Variants in MARCHF8 observed in about 807,000 individuals in gnomAD.
MARCHF8 encodes E3 ubiquitin-protein ligase MARCHF8.
In MARCHF8, 40 loss-of-function variants were observed where a neutral mutation model predicts 51.6. That is an observed-to-expected ratio of 0.77 (90% CI 0.60 to 1.01). The LOEUF is 1.01. Ranked by LOEUF, MARCHF8 falls within the 50% of genes least tolerant of loss-of-function variation. The probability of loss-of-function intolerance (pLI) is 0.00; values close to 1 mark genes in which losing one functional copy is unlikely to be tolerated. For missense variants in MARCHF8, 685 were observed against 708.6 expected (o/e 0.97, Z 0.38); for synonymous variants, 263 against 280.3 (o/e 0.94, Z 0.62).
intron 1 of MARCHF8, among the ~76,000 whole-genome samples, chr10:45,585,243 C>T (rs1039888802): frequency 2.0e-5 from 3 of 152,120 alleles, no homozygotes; most frequent in Non-Finnish European, 4.4e-5. Context: ...CCTGACCATA[C>T]ACAAAGAGAA....
intron 2 of MARCHF8, among the ~76,000 whole-genome samples, chr10:45,494,348 C>T (rs1202725988): frequency 6.6e-6 from 1 of 152,104 alleles, no homozygotes; most frequent in African/African-American, 2.4e-5. Flanking sequence ...GATGCCTAAG[C>T]GAGTTTTTGG....
Position 45,503,515 on chromosome 10 carries a change from C to T in MARCHF8, c.103-14098G>A, listed in dbSNP as rs563635967. 1.6e-3 allele frequency among the ~76,000 whole-genome samples: 239 copies of T among 147,114 alleles called. 2 individuals are homozygous for T. The South Asian group carries it at 0.018, about 11-fold the overall frequency. On this transcript the variant is annotated intron_variant, in intron 2 of 7. Transcript: ENST00000453424. The stretch of plus-strand genomic sequence containing the variant: ...ATCGTGCCACTGCATTCCAGCCTGG[C>T]GACAGAACGAGACTCCGTCTCAAAT...
chr10:45,581,533 T>C (rs1338409863), intron 1 of MARCHF8, among the ~76,000 whole-genome samples: 1 of 152,170 alleles, frequency 6.6e-6, no homozygotes. Context: ...CAAATAAAAC[T>C]AGTAAGAATG....
chr10:45,528,350 C>T (rs2043823900), intron 2 of MARCHF8, among the ~76,000 whole-genome samples: 1 of 152,140 alleles, frequency 6.6e-6, no homozygotes, highest in Non-Finnish European at 1.5e-5. Context: ...ACCTGGAAAA[C>T]CCTAAGACTC....
rs188641517 is a variant in MARCHF8, at chr10:45,502,831, T to C, written c.103-13414A>G. Among the ~76,000 whole-genome samples the C allele has an allele frequency of 6.8e-4, 103 of 152,292 alleles. 1 individual carries two copies. Among genetic ancestry groups the C allele is most frequent in the Non-Finnish European group, 3.1e-4 (21 of 68,026 alleles). On this transcript the variant is annotated intron_variant, in intron 2 of 7. Transcript: ENST00000453424. ...AAATGATACCAGAAAACAATGTGTA[T>C]ATCAGCAATAAAGAAAGAGCAACAG...
At chr10:45,498,208 T>C (rs1322587899) in intron 2 of MARCHF8, among the ~76,000 whole-genome samples, 1 of 152,240 alleles carries the variant, frequency 6.6e-6, no homozygotes, top group African/African-American at 2.4e-5. Flanking sequence ...CCATTTTAAG[T>C]GTACAGTTCA....
At chr10:45,523,717 T>C (rs1739570296) in intron 2 of MARCHF8, among the ~76,000 whole-genome samples, 1 of 152,164 alleles carries the variant, frequency 6.6e-6, no homozygotes, top group Non-Finnish European at 1.5e-5. Context: ...TAGACAAACG[T>C]ATTCATACAC....
chr10:45,503,319 C>T (rs1034054622), intron 2 of MARCHF8, among the ~76,000 whole-genome samples: 3 of 152,122 alleles, frequency 2.0e-5, no homozygotes, highest in Admixed American at 1.3e-4. Flanking sequence ...GGGCAGATCA[C>T]GAGGTCAAGG....
intron 1 of MARCHF8, among the ~76,000 whole-genome samples, chr10:45,575,141 T>C (rs1459845858): frequency 6.6e-6 from 1 of 152,070 alleles, no homozygotes; most frequent in East Asian, 1.9e-4. Flanking sequence ...GCTGATAAGG[T>C]AGCTAAAAAA....
At chr10:45,521,097 T>C (rs1257806181) in intron 2 of MARCHF8, among the ~76,000 whole-genome samples, 1 of 152,238 alleles carries the variant, frequency 6.6e-6, no homozygotes, top group African/African-American at 2.4e-5. Flanking sequence ...TGAAACTCAC[T>C]CTGCTTTGCT....
At chr10:45,475,137 T>G (rs1400843690) in intron 3 of MARCHF8, among the ~76,000 whole-genome samples, 1 of 152,240 alleles carries the variant, frequency 6.6e-6, no homozygotes, top group Non-Finnish European at 1.5e-5. Context: ...AGCTAGCTGC[T>G]GCTGCCAGGG....
At chr10:45,487,631 T>C (rs1032030367) in intron 3 of MARCHF8, among the ~76,000 whole-genome samples, 1 of 151,944 alleles carries the variant, frequency 6.6e-6, no homozygotes, top group East Asian at 1.9e-4. Context: ...GAAATGGAGG[T>C]TGGATGGGAA....
At chr10:45,510,056 A>G (rs931989016) in intron 2 of MARCHF8, among the ~76,000 whole-genome samples, 2 of 152,206 alleles carry the variant, frequency 1.3e-5, no homozygotes, top group Admixed American at 1.3e-4. Context: ...AGAATGGGAT[A>G]GAGTAGTACA....
intron 1 of MARCHF8, among the ~76,000 whole-genome samples, chr10:45,552,719 T>C (rs1165062107): frequency 6.6e-6 from 1 of 152,206 alleles, no homozygotes; most frequent in Admixed American, 6.5e-5. Flanking sequence ...GTCCCTAAAA[T>C]AGATTAGTGA....
At chr10:45,529,499 ACACAG>A (rs2043843189) in intron 2 of MARCHF8, among the ~76,000 whole-genome samples, 1 of 152,212 alleles carries the variant, frequency 6.6e-6, no homozygotes, top group African/African-American at 2.4e-5. Context: ...AAAAGCTTCT[ACACAG>A]CAAATAAATA....
At chr10:45,588,128 C>T (rs2044637126) in intron 1 of MARCHF8, among the ~76,000 whole-genome samples, 1 of 148,946 alleles carries the variant, frequency 6.7e-6, no homozygotes, top group African/African-American at 2.5e-5. Context: ...GCTATCCTTA[C>T]ATGCTAATAA....
At chr10:45,508,506 T>C (rs751473295) in intron 2 of MARCHF8, among the ~76,000 whole-genome samples, 6 of 152,320 alleles carry the variant, frequency 3.9e-5, no homozygotes, top group South Asian at 2.1e-4. Flanking sequence ...ATCACTCTTA[T>C]GTTTTAAAAT....
At chr10:45,570,109 G>A (rs568622523) in intron 1 of MARCHF8, among the ~76,000 whole-genome samples, 7 of 152,138 alleles carry the variant, frequency 4.6e-5, no homozygotes, top group Non-Finnish European at 7.3e-5. Flanking sequence ...CACTGGTGAA[G>A]TCTATCAGAC....
Position 45,456,113 on chromosome 10 carries a change from G to A in MARCHF8, c.*2126C>T, listed in dbSNP as rs550435110. ...TCACCTGAAACACTCATCTACTGCTGGGTGGCAGGAACAAGTATACAAAAC... is the reference window on the plus strand; with the variant it reads ...TCACCTGAAACACTCATCTACTGCTAGGTGGCAGGAACAAGTATACAAAAC... On this transcript the variant is annotated 3_prime_UTR_variant, in exon 8 of 8. Coordinates refer to ENST00000453424, the MANE Select transcript of MARCHF8 (RefSeq NM_001282866.2). 6.6e-6 allele frequency: 1 copy of A among 152,332 alleles called. No homozygotes were observed. Among genetic ancestry groups the A allele is most frequent in the Non-Finnish European group, 1.5e-5 (1 of 68,110 alleles). The allele number at this position is 152,332 out of a possible 1,614,324, so 9.4% of individuals were successfully genotyped here. A position where few individuals can be genotyped will look rare whatever the true frequency, so the allele number is the denominator to read the frequency against.
Sources: allele counts gnomAD v4.1 joint callset (sites outside exome capture counted in the v4.1 genomes callset), GRCh38; gene constraint gnomAD v4.1.1; transcripts MANE v1.5; gene names NCBI Gene and HGNC (gene_info 2026-07-23, HGNC 2026-07-21).